The following NKAIN3 variants were observed in gnomAD, a reference collection of about 807,000 sequenced individuals.
NKAIN3 encodes sodium/potassium transporting ATPase interacting 3.
In NKAIN3, 25 loss-of-function variants were observed where a neutral mutation model predicts 30.2. The observed-to-expected ratio is 0.83, with a 90% CI of 0.60 to 1.16. The LOEUF (loss-of-function observed/expected upper bound fraction) is 1.16. Ranked by LOEUF, NKAIN3 falls within the 50% of genes most tolerant of loss-of-function variation. The pLI, the probability that NKAIN3 is intolerant of heterozygous loss-of-function variation, is 0.00. For synonymous variants in NKAIN3, 91 were observed against 89.6 expected, an observed-to-expected ratio of 1.02 and a Z score of -0.09; for missense variants, 225 against 254.1, an observed-to-expected ratio of 0.89 and a Z score of 0.78.
intron 5 of NKAIN3, among the ~76,000 whole-genome samples, chr8:62,948,567 C>G (rs192671803): frequency 5.3e-4 from 80 of 152,280 alleles, no homozygotes; most frequent in Middle Eastern, 3.4e-3. Flanking sequence ...AGTGGAAACA[C>G]AGGCATCTAT....
intron 1 of NKAIN3, among the ~76,000 whole-genome samples, chr8:62,458,333 C>T (rs1036879350): frequency 2.6e-5 from 4 of 152,108 alleles, no homozygotes; most frequent in African/African-American, 9.7e-5. Flanking sequence ...TAAATAATCA[C>T]GCTAAGTATA....
chr8:62,885,412 C>T (rs913141840), intron 4 of NKAIN3, among the ~76,000 whole-genome samples: 1 of 152,114 alleles, frequency 6.6e-6, no homozygotes, highest in Non-Finnish European at 1.5e-5. Flanking sequence ...TTTGTTCTTT[C>T]CTGCTGAATG....
intron 4 of NKAIN3, among the ~76,000 whole-genome samples, chr8:62,815,181 A>G (rs1420909639): frequency 1.3e-5 from 2 of 152,224 alleles, no homozygotes; most frequent in East Asian, 1.9e-4. Flanking sequence ...AAGAAGTTGA[A>G]TCTCTGAATA....
At position 62,264,032 on chromosome 8, in the gene NKAIN3, A is replaced by G. The variant is rs190049685; in HGVS notation, c.54+14905A>G. Reference sequence around the variant, plus strand: ...CTAAATATATGTAGCAATCCACTGAACATTGGTCAGATATATTTAAACAAA... The same window carrying G: ...CTAAATATATGTAGCAATCCACTGAGCATTGGTCAGATATATTTAAACAAA... On this transcript the variant is annotated intron_variant, in intron 1 of 6. Coordinates refer to ENST00000623646, the MANE Select transcript of NKAIN3 (RefSeq NM_001304533.3). Among the ~76,000 whole-genome samples the G allele has an allele frequency of 3.1e-4, 47 of 152,330 alleles. No individual in the cohort carries two copies. The East Asian group carries it at 3.9e-3, about 12-fold the overall frequency.
chr8:62,566,063 A>G (rs1542295), intron 1 of NKAIN3, among the ~76,000 whole-genome samples: 151,909 of 152,242 alleles, frequency 1, 75,789 homozygotes, highest in East Asian at 1. Context: ...GGCTATCTCC[A>G]TTTTTAAGGC....
intron 1 of NKAIN3, among the ~76,000 whole-genome samples, chr8:62,390,917 A>G (rs1403199239): frequency 6.6e-6 from 1 of 152,076 alleles, no homozygotes; most frequent in African/African-American, 2.4e-5. Flanking sequence ...AAATTTGTTA[A>G]GTTTCTTACA....
chr8:62,988,510 A>G (rs1824250553), downstream of NKAIN3, among the ~76,000 whole-genome samples: 1 of 152,218 alleles, frequency 6.6e-6, no homozygotes, highest in Non-Finnish European at 1.5e-5. Flanking sequence ...CAAGCTCAAC[A>G]CCACATGGAA....
intron 1 of NKAIN3, among the ~76,000 whole-genome samples, chr8:62,459,930 G>A (rs1041642268): frequency 4.6e-5 from 7 of 152,176 alleles, no homozygotes; most frequent in African/African-American, 1.4e-4. Context: ...AGTCATTGAA[G>A]GATTGTGAAC....
Position 62,248,903 on chromosome 8 carries a change from G to C in NKAIN3, c.-171G>C, listed in dbSNP as rs2272014. On this transcript the variant is annotated 5_prime_UTR_variant, in exon 1 of 7. Transcript: ENST00000623646. Reference sequence around the variant, plus strand: ...CGCACTGACCTCGGCCCGCCCCGCCGGGAAACTAACAAAGGCGGGCGCGAG... The same window carrying C: ...CGCACTGACCTCGGCCCGCCCCGCCCGGAAACTAACAAAGGCGGGCGCGAG... 5.2e-6 allele frequency: 3 copies of C among 574,750 alleles called. No individual in the cohort carries two copies. The African/African-American group carries it at 6.0e-5, about 12-fold the overall frequency. The allele number at this position is 574,750 out of a possible 1,614,324, so 35.6% of individuals were successfully genotyped here. A position where few individuals can be genotyped will look rare whatever the true frequency, so the allele number is the denominator to read the frequency against.
At position 62,275,281 on chromosome 8, in the gene NKAIN3, T is replaced by C. The variant is rs930336598; in HGVS notation, c.54+26154T>C. Among the ~76,000 whole-genome samples the C allele has an allele frequency of 2.0e-5, 3 of 152,154 alleles. No individual in the cohort carries two copies. The East Asian group carries it at 5.8e-4, about 29-fold the overall frequency. On this transcript the variant is annotated intron_variant, in intron 1 of 6. Transcript: ENST00000623646. ...TGTTGTTTCCTGACTTTTTAATGAT[T>C]GCATTCTAACTGGTGTGAGATGGTA...
intron 1 of NKAIN3, among the ~76,000 whole-genome samples, chr8:62,441,930 T>C (rs1034896714): frequency 6.6e-6 from 1 of 152,058 alleles, no homozygotes; most frequent in Non-Finnish European, 1.5e-5. Context: ...TTCCCAGACT[T>C]TGATTATCAG....
chr8:62,788,675 ATG>A (rs1177610124), intron 4 of NKAIN3, among the ~76,000 whole-genome samples: 1 of 151,984 alleles, frequency 6.6e-6, no homozygotes, highest in Non-Finnish European at 1.5e-5. Flanking sequence ...TAGGTCTAAC[ATG>A]TAAGTCTTTA....
intron 4 of NKAIN3, among the ~76,000 whole-genome samples, chr8:62,771,762 T>G (rs899027688): frequency 3.3e-5 from 5 of 152,134 alleles, no homozygotes. Context: ...GAAATTCTTT[T>G]TTATTTTTTA....
At position 62,965,458 on chromosome 8, in the gene NKAIN3, A is replaced by G. The variant is rs1013675611; in HGVS notation, c.*51A>G. The G allele has an allele frequency of 7.1e-6, 7 of 985,716 alleles. No individual in the cohort carries two copies. The highest frequency in any genetic ancestry group is 8.4e-6 in the Non-Finnish European group (7 of 829,904). The allele number at this position is 985,716 out of a possible 1,614,324, so 61.1% of individuals were successfully genotyped here. On this transcript the variant is annotated 3_prime_UTR_variant, in exon 7 of 7. Coordinates refer to ENST00000623646, the MANE Select transcript of NKAIN3 (RefSeq NM_001304533.3). ...CCTCGGTGGATCCGACCCGCCTGAC[A>G]TTCCTTCCAGAGGCTAGACTGTGCT... is the stretch of plus-strand genomic sequence containing the variant.
At chr8:62,745,550 G>A (rs544546798) in intron 3 of NKAIN3, among the ~76,000 whole-genome samples, 1 of 152,160 alleles carries the variant, frequency 6.6e-6, no homozygotes. Flanking sequence ...GGAAGTCAAG[G>A]TCCTGGTCCC....
At chr8:62,559,444 C>G (rs1037366015) in intron 1 of NKAIN3, among the ~76,000 whole-genome samples, 5 of 152,106 alleles carry the variant, frequency 3.3e-5, no homozygotes, top group Admixed American at 3.3e-4. Context: ...AAAAGCCTAA[C>G]ATTTTAGTTT....
At chr8:62,815,701 G>T (rs1264478997) in intron 4 of NKAIN3, among the ~76,000 whole-genome samples, 1 of 152,078 alleles carries the variant, frequency 6.6e-6, no homozygotes, top group Non-Finnish European at 1.5e-5. Context: ...AATAAATTAG[G>T]TATTGATGGG....
chr8:62,408,691 C>G (rs557182715), intron 1 of NKAIN3, among the ~76,000 whole-genome samples: 5 of 152,210 alleles, frequency 3.3e-5, no homozygotes, highest in African/African-American at 1.2e-4. Flanking sequence ...AACTTTTGCT[C>G]TCACCCACCT....
rs55873861 is a variant in NKAIN3, at chr8:62,763,221, C to CAAAA, written c.471+16129_471+16132dup. Among the ~76,000 whole-genome samples, 63 of 47,188 alleles carry CAAAA rather than the reference C, an allele frequency of 1.3e-3. 7 individuals carry two copies. Among genetic ancestry groups the CAAAA allele is most frequent in the East Asian group, 4.0e-3 (6 of 1,498 alleles). 31.0% of individuals were successfully genotyped at this position (47,188 alleles called of 152,430 possible). A position where few individuals can be genotyped will look rare whatever the true frequency, so the allele number is the denominator to read the frequency against. On this transcript the variant is annotated intron_variant, in intron 4 of 6. Transcript: ENST00000623646. ...GGGCAACAAGTGCGAGACTCCGTCTCAAAAAAAAAAAAAAAAAAAAAAAAA... is the reference window on the plus strand; with the variant it reads ...GGGCAACAAGTGCGAGACTCCGTCTCAAAAAAAAAAAAAAAAAAAAAAAAAAAAA...
Sources: gnomAD v4.1 joint callset for allele counts (sites outside exome capture counted in the v4.1 genomes callset) on GRCh38, gnomAD v4.1.1 for gene constraint, MANE v1.5 for transcripts, NCBI Gene and HGNC (gene_info 2026-07-23, HGNC 2026-07-21) for gene names.